MARCO: variants seen among roughly 807,000 people sequenced by gnomAD.
MARCO encodes the protein macrophage receptor with collagenous structure.
MARCO carries 72 observed loss-of-function variants against 70.0 expected under a neutral mutation model. The ratio of observed to expected loss-of-function variants is 1.03; its 90% CI spans 0.85 to 1.25. The LOEUF (loss-of-function observed/expected upper bound fraction) is 1.25, where lower values mean the gene tolerates loss of function less well. Ranked by LOEUF, MARCO falls within the 50% of genes most tolerant of loss-of-function variation. The pLI, the probability that MARCO is intolerant of heterozygous loss-of-function variation, is 0.00. For missense variants in MARCO, 696 were observed against 659.3 expected (o/e 1.06, Z -0.61); for synonymous variants, 273 against 243.1 (o/e 1.12, Z -1.14).
chr2:118,985,582 T>A (rs1245740200), intron 12 of MARCO, among the ~76,000 whole-genome samples: 1 of 152,188 alleles, frequency 6.6e-6, no homozygotes, highest in Non-Finnish European at 1.5e-5. Flanking sequence ...TTTTACCTAC[T>A]AGAAACAGAC....
At chr2:118,970,784 C>G (rs796128717) in intron 3 of MARCO, among the ~76,000 whole-genome samples, 23 of 152,322 alleles carry the variant, frequency 1.5e-4, no homozygotes, top group African/African-American at 5.5e-4. Flanking sequence ...CAGGGCCTTG[C>G]AGCTGCACCC....
At chr2:118,981,359 G>T (rs750485170) in intron 8 of MARCO, 50 bp from the exon 9 acceptor site, 33 of 1,183,218 alleles carry the variant, frequency 2.8e-5, no homozygotes, top group Non-Finnish European at 3.4e-5. Flanking sequence ...GGACATGGTG[G>T]CCTGATTGGA....
At chr2:118,982,070 A>T (rs1558669797) in intron 10 of MARCO, 86 bp from the exon 11 acceptor site, 1 of 875,544 alleles carries the variant, frequency 1.1e-6, no homozygotes, top group Non-Finnish European at 1.8e-6. Context: ...TACATGTCTC[A>T]CTGCTGAAAA....
At chr2:118,944,622 T>C (rs544380264) in intron 1 of MARCO, among the ~76,000 whole-genome samples, 2 of 151,908 alleles carry the variant, frequency 1.3e-5, no homozygotes, top group Non-Finnish European at 1.5e-5. Context: ...AAATATAAAA[T>C]GCTGTTTTTC....
chr2:118,973,364 C>A (rs1030687829), intron 4 of MARCO, among the ~76,000 whole-genome samples: 1 of 151,836 alleles, frequency 6.6e-6, no homozygotes, highest in African/African-American at 2.4e-5. Context: ...CTTTCTCAGT[C>A]TCTCTCTGTC....
chr2:118,990,237 A>T (rs1441069258), intron 12 of MARCO, among the ~76,000 whole-genome samples: 2 of 152,176 alleles, frequency 1.3e-5, no homozygotes, highest in Admixed American at 6.5e-5. Context: ...TTATTTACCA[A>T]ATATCTCCCA....
intron 14 of MARCO, 79 bp from the exon 15 acceptor site, chr2:118,992,353 C>A: frequency 8.3e-7 from 1 of 1,198,220 alleles, no homozygotes; most frequent in Non-Finnish European, 1.2e-6. Context: ...CCTCCACCCG[C>A]TCCCCACTCA....
intron 1 of MARCO, among the ~76,000 whole-genome samples, chr2:118,962,445 A>T (rs1304275153): frequency 1.3e-5 from 2 of 151,850 alleles, no homozygotes; most frequent in Non-Finnish European, 2.9e-5. Context: ...TCCTCTATTA[A>T]CTGTATTCCT....
At chr2:118,962,908 A>G (rs1679976413) in intron 1 of MARCO, among the ~76,000 whole-genome samples, 1 of 151,596 alleles carries the variant, frequency 6.6e-6, no homozygotes, top group African/African-American at 2.4e-5. Context: ...GTATTTTCTT[A>G]TTTTCTTTTT....
At chr2:118,985,556 C>A (rs1680469759) in intron 12 of MARCO, among the ~76,000 whole-genome samples, 1 of 152,202 alleles carries the variant, frequency 6.6e-6, no homozygotes, top group African/African-American at 2.4e-5. Flanking sequence ...GCAGAACCTT[C>A]TCTCAGGGTC....
chr2:118,961,647 A>G (rs115731061), intron 1 of MARCO, among the ~76,000 whole-genome samples: 4,357 of 151,918 alleles, frequency 0.029, 82 homozygotes, highest in Middle Eastern at 0.054. Flanking sequence ...ATCGCAAAAA[A>G]TTTTCTCTCA....
At position 118,974,401 on chromosome 2, in the gene MARCO, A is replaced by G; in HGVS notation, c.529A>G (p.Lys177Glu). The G allele has an allele frequency of 6.2e-7, 1 of 1,612,580 alleles. No individual in the cohort carries two copies. Among genetic ancestry groups the G allele is most frequent in the Non-Finnish European group, 8.5e-7 (1 of 1,179,528 alleles). The change falls in exon 5 of 17, where the codon AAG (lysine) becomes GAG (glutamate). Residue 177 changes from lysine to glutamate, a missense_variant. Coordinates refer to ENST00000327097, the MANE Select transcript of MARCO (RefSeq NM_006770.4). ...APGPPGPPAE[K>E]GAKGAMGRDG... ...TGGCCCGCCGGGACCACCTGCTGAG[A>G]AGGGAGCCAAGGGGGCTATGGGACG...
chr2:118,988,874 G>T (rs1680563967), intron 12 of MARCO, among the ~76,000 whole-genome samples: 1 of 152,138 alleles, frequency 6.6e-6, no homozygotes, highest in Non-Finnish European at 1.5e-5. Context: ...ACAGGACACT[G>T]TGGGTCCTGT....
intron 12 of MARCO, among the ~76,000 whole-genome samples, chr2:118,982,638 G>A (rs918338904): frequency 2.6e-5 from 4 of 152,122 alleles, no homozygotes; most frequent in Admixed American, 1.3e-4. Flanking sequence ...TGAATGCCAT[G>A]ACCAAACCTC....
chr2:118,955,868 A>G (rs1679827152), intron 1 of MARCO, among the ~76,000 whole-genome samples: 1 of 152,220 alleles, frequency 6.6e-6, no homozygotes, highest in Non-Finnish European at 1.5e-5. Flanking sequence ...TCATATATGA[A>G]GGAAAGACAC....
In MARCO at chr2:118,992,072, C is replaced by T. The variant is rs112804796; in HGVS notation, c.1207+197C>T. Among the ~76,000 whole-genome samples, 9 of 152,280 alleles carry T rather than the reference C, an allele frequency of 5.9e-5. 1 individual carries two copies. Among genetic ancestry groups the T allele is most frequent in the African/African-American group, 1.4e-4 (6 of 41,562 alleles). On this transcript the variant is annotated intron_variant, in intron 14 of 16. Coordinates refer to ENST00000327097, the MANE Select transcript of MARCO (RefSeq NM_006770.4). ...ATGGAGCACACAGCAGCGGGTTAGGCGCAGCTCTAGCATCCAAGGCAGGGG... is the reference window on the plus strand; with the variant it reads ...ATGGAGCACACAGCAGCGGGTTAGGTGCAGCTCTAGCATCCAAGGCAGGGG...
At chr2:118,946,757 C>T (rs968102053) in intron 1 of MARCO, among the ~76,000 whole-genome samples, 2 of 152,208 alleles carry the variant, frequency 1.3e-5, no homozygotes, top group African/African-American at 4.8e-5. Context: ...TCCAGTGTGA[C>T]TATACCATTT....
chr2:118,984,349 TG>T (rs1360443928), intron 12 of MARCO, among the ~76,000 whole-genome samples: 1 of 152,180 alleles, frequency 6.6e-6, no homozygotes. Flanking sequence ...GCCCATAGCT[TG>T]GGGATCATTT....
At chr2:118,945,564 C>G (rs969316993) in intron 1 of MARCO, among the ~76,000 whole-genome samples, 5 of 152,018 alleles carry the variant, frequency 3.3e-5, no homozygotes, top group African/African-American at 1.2e-4. Flanking sequence ...AGGTGCCCAC[C>G]ACCATGCCCG....
Sources: gnomAD v4.1 joint callset for allele counts (sites outside exome capture counted in the v4.1 genomes callset) on GRCh38, gnomAD v4.1.1 for gene constraint, MANE v1.5 for transcripts, NCBI Gene and HGNC (gene_info 2026-07-23, HGNC 2026-07-21) for gene names.